COL14A1: variants seen among roughly 807,000 people sequenced by gnomAD.
The protein encoded by COL14A1 is collagen type XIV alpha 1 chain.
A neutral mutation model predicts 230.3 loss-of-function variants in COL14A1; 136 were observed. That is an observed-to-expected ratio of 0.59 (90% CI 0.51 to 0.68). COL14A1 has a LOEUF of 0.68. Ranked by LOEUF, COL14A1 falls within the 30% of genes least tolerant of loss-of-function variation. COL14A1 has a pLI of 0.00. For missense variants in COL14A1, 1,976 were observed against 2,215.8 expected (o/e 0.89, Z 2.17); for synonymous variants, 792 against 784.1 (o/e 1.01, Z -0.17).
chr8:120,283,856 G>A, intron 32 of COL14A1, 78 bp downstream of exon 32: 2 of 1,201,058 alleles, frequency 1.7e-6, no homozygotes, highest in Non-Finnish European at 2.3e-6. Context: ...GCCTGTTTGT[G>A]TATATTACAG....
In COL14A1 at chr8:120,260,482, A is replaced by G. The variant is rs928659367; in HGVS notation, c.2870-2386A>G. On this transcript the variant is annotated intron_variant, in intron 23 of 47. Transcript: ENST00000297848. Reference sequence around the variant, plus strand: ...AACTCCTCTGCAAATAACATTTTGAAGGAGCGGATAGTTCTTTTTAACCAC... The same window carrying G: ...AACTCCTCTGCAAATAACATTTTGAGGGAGCGGATAGTTCTTTTTAACCAC... Among the ~76,000 whole-genome samples the G allele has an allele frequency of 2.0e-5, 3 of 152,192 alleles. No individual in the cohort carries two copies. In the South Asian group the frequency reaches 6.2e-4, roughly 31 times the overall value.
At chr8:120,211,292 A>G (rs745723955) in intron 12 of COL14A1, among the ~76,000 whole-genome samples, 3 of 152,208 alleles carry the variant, frequency 2.0e-5, no homozygotes, top group Non-Finnish European at 2.9e-5. Context: ...TATAGAAAAG[A>G]ATATCATAAA....
intron 1 of COL14A1, among the ~76,000 whole-genome samples, chr8:120,130,382 C>T (rs1814488573): frequency 6.6e-6 from 1 of 152,222 alleles, no homozygotes; most frequent in Admixed American, 6.5e-5. Context: ...TGCCTTTATA[C>T]TGTTTTCTTT....
chr8:120,359,546 A>C (rs1823117124), intron 45 of COL14A1, among the ~76,000 whole-genome samples: 1 of 152,174 alleles, frequency 6.6e-6, no homozygotes, highest in African/African-American at 2.4e-5. Context: ...GTTCATTTTT[A>C]AGCCATAGAA....
At chr8:120,190,647 G>GA (rs1816792551) in intron 5 of COL14A1, among the ~76,000 whole-genome samples, 1 of 152,140 alleles carries the variant, frequency 6.6e-6, no homozygotes, top group African/African-American at 2.4e-5. Context: ...ACCTCTGGTA[G>GA]AATTCGGCTG....
At chr8:120,242,753 T>TA (rs1300807451) in intron 19 of COL14A1, among the ~76,000 whole-genome samples, 2 of 152,228 alleles carry the variant, frequency 1.3e-5, no homozygotes, top group African/African-American at 4.8e-5. Flanking sequence ...TAATCTCATA[T>TA]AAAAATCATC....
chr8:120,367,103 A>C (rs1823428458), intron 45 of COL14A1, 68 bp from the exon 46 acceptor site: 3 of 1,348,648 alleles, frequency 2.2e-6, no homozygotes, highest in Non-Finnish European at 3.0e-6. Flanking sequence ...CGAACTCCAG[A>C]AAAATGGAAC....
At chr8:120,175,646 A>G (rs570934392) in intron 5 of COL14A1, among the ~76,000 whole-genome samples, 1 of 152,314 alleles carries the variant, frequency 6.6e-6, no homozygotes, top group East Asian at 1.9e-4. Flanking sequence ...ATTCCTTTAC[A>G]TATTGTCTAT....
rs554156376 is a variant in COL14A1 at position 120,193,527 on chromosome 8, T to C, written c.437-3264T>C. Among the ~76,000 whole-genome samples, 459 of 152,310 alleles carry C rather than the reference T, an allele frequency of 3.0e-3. 4 individuals carry two copies. The highest frequency in any genetic ancestry group is 9.9e-3 in the African/African-American group (413 of 41,550). ...GGACCCACTTGAGGAGGCAGTCTGC[T>C]CGTTCTCAGATCTCCAGCTGCATGC... On this transcript the variant is annotated intron_variant, in intron 5 of 47. Transcript: ENST00000297848.
intron 20 of COL14A1, among the ~76,000 whole-genome samples, chr8:120,246,416 A>T (rs1259521318): frequency 6.6e-6 from 1 of 152,190 alleles, no homozygotes; most frequent in African/African-American, 2.4e-5. Context: ...TTACCAGTAT[A>T]TTGGCATCTT....
rs138193803 is a variant in COL14A1 at position 120,171,222 on chromosome 8, A to G, written c.436+2975A>G. 3.1e-3 allele frequency among the ~76,000 whole-genome samples: 467 copies of G among 152,336 alleles called. 1 individual carries two copies. Among genetic ancestry groups the G allele is most frequent in the African/African-American group, 0.011 (446 of 41,588 alleles). On this transcript the variant is annotated intron_variant, in intron 5 of 47. Coordinates refer to ENST00000297848, the MANE Select transcript of COL14A1 (RefSeq NM_021110.4). ...AGAATTTAATAATGCTTTAAATTCA[A>G]TGATTAATGTCCCATCTTACACATC...
chr8:120,196,642 A>G (rs1243574331), intron 5 of COL14A1, 149 bp from the exon 6 acceptor site: 5 of 728,538 alleles, frequency 6.9e-6, no homozygotes, highest in South Asian at 2.4e-5. Context: ...AGTAAAATAC[A>G]TTTAAGGGAA....
At chr8:120,332,809 C>G in intron 42 of COL14A1, 74 bp downstream of exon 42, 5 of 1,207,962 alleles carry the variant, frequency 4.1e-6, no homozygotes, top group Admixed American at 2.2e-5. Flanking sequence ...AATTTACCAG[C>G]CTTTCTGTTA....
intron 23 of COL14A1, among the ~76,000 whole-genome samples, chr8:120,262,663 A>G (rs1819375268): frequency 6.6e-6 from 1 of 152,174 alleles, no homozygotes; most frequent in African/African-American, 2.4e-5. Flanking sequence ...TTGGACATAT[A>G]AAATGTGATT....
chr8:120,167,621 A>G (rs1344539014), intron 4 of COL14A1, among the ~76,000 whole-genome samples: 1 of 152,242 alleles, frequency 6.6e-6, no homozygotes, highest in East Asian at 1.9e-4. Context: ...AAAAACTACC[A>G]TGTATTAATA....
chr8:120,307,016 T>C (rs933860616), intron 36 of COL14A1, among the ~76,000 whole-genome samples: 2 of 152,208 alleles, frequency 1.3e-5, no homozygotes, highest in Non-Finnish European at 2.9e-5. Flanking sequence ...GGACATTTAT[T>C]GTTTGCTCAA....
chr8:120,133,188 C>T (rs892133892), intron 1 of COL14A1, among the ~76,000 whole-genome samples: 16 of 150,362 alleles, frequency 1.1e-4, no homozygotes, highest in Admixed American at 6.6e-4. Context: ...TGCACTCCAG[C>T]CTGGGCGACA....
At chr8:120,219,404 T>C (rs1817859788) in intron 14 of COL14A1, among the ~76,000 whole-genome samples, 1 of 152,164 alleles carries the variant, frequency 6.6e-6, no homozygotes, top group South Asian at 2.1e-4. Flanking sequence ...GTGCCCAGCT[T>C]GGGAAACTTA....
rs549200964 is a variant in COL14A1, at chr8:120,318,684, C to G, written c.4659+2687C>G. 9.2e-5 allele frequency among the ~76,000 whole-genome samples: 14 copies of G among 152,180 alleles called. No homozygotes were observed. The Middle Eastern group carries it at 0.01, about 111-fold the overall frequency. On this transcript the variant is annotated intron_variant, in intron 40 of 47. Transcript: ENST00000297848. ...GCTGTTTATAGAGTAAGCACAAACA[C>G]CTTGCAATTATTCCTGCTCCACCTC...
Sources: allele counts gnomAD v4.1 joint callset (sites outside exome capture counted in the v4.1 genomes callset), GRCh38; gene constraint gnomAD v4.1.1; transcripts MANE v1.5; gene names NCBI Gene and HGNC (gene_info 2026-07-23, HGNC 2026-07-21).